The following RBMS3 variants were observed in gnomAD, a reference collection of about 807,000 sequenced individuals.
The protein encoded by RBMS3 is RNA-binding motif, single-stranded-interacting protein 3.
Under a neutral mutation model 66.8 loss-of-function variants are expected in RBMS3, and 27 were observed. That is an observed-to-expected ratio of 0.40 (90% CI 0.30 to 0.56). The LOEUF (loss-of-function observed/expected upper bound fraction) is 0.56, where lower values mean the gene tolerates loss of function less well. Among genes scored for constraint, RBMS3 ranks in the 20% least tolerant of loss-of-function variants. The pLI is 0.40. For synonymous variants in RBMS3, 188 were observed against 183.0 expected (o/e 1.03, Z -0.22); for missense variants, 513 against 549.5 (o/e 0.93, Z 0.66).
chr3:29,357,589 G>A (rs112253534), intron 1 of RBMS3, among the ~76,000 whole-genome samples: 28,237 of 151,922 alleles, frequency 0.19, 2,745 homozygotes, highest in East Asian at 0.25. Flanking sequence ...GGGTCAAATG[G>A]TATTTCTAGT....
At chr3:29,933,224 T>G (rs527526542) in intron 10 of RBMS3, among the ~76,000 whole-genome samples, 1 of 152,256 alleles carries the variant, frequency 6.6e-6, no homozygotes, top group African/African-American at 2.4e-5. Flanking sequence ...TAAGTTGGAG[T>G]GGATTTGACA....
At chr3:29,325,659 C>CAT (rs748908387) in intron 1 of RBMS3, among the ~76,000 whole-genome samples, 1 of 147,672 alleles carries the variant, frequency 6.8e-6, no homozygotes, top group Non-Finnish European at 1.5e-5. Context: ...CACACACACA[C>CAT]ACACATACAC....
chr3:29,835,044 G>T (rs765926255), intron 6 of RBMS3, among the ~76,000 whole-genome samples: 2 of 151,922 alleles, frequency 1.3e-5, no homozygotes, highest in African/African-American at 4.8e-5. Context: ...AACAATAAAG[G>T]TCACTGTATA....
intron 2 of RBMS3, among the ~76,000 whole-genome samples, chr3:29,477,246 G>GTA (rs1262823311): frequency 6.6e-6 from 1 of 152,078 alleles, no homozygotes; most frequent in African/African-American, 2.4e-5. Context: ...TCAATATAAT[G>GTA]TATAAAAAGC....
intron 6 of RBMS3, among the ~76,000 whole-genome samples, chr3:29,866,077 TAAAAAA>T (rs35591949): frequency 3.8e-5 from 4 of 105,600 alleles, no homozygotes; most frequent in African/African-American, 1.2e-4. Flanking sequence ...CACCAAATAC[TAAAAAA>T]AAAAAAAAAA....
intron 4 of RBMS3, among the ~76,000 whole-genome samples, chr3:29,591,759 A>T (rs369635868): frequency 2.6e-5 from 4 of 152,212 alleles, no homozygotes; most frequent in Middle Eastern, 3.2e-3. Context: ...CTTTCTGTCG[A>T]TTCCAAATAT....
chr3:29,284,630 A>G (rs538699518), intron 1 of RBMS3, among the ~76,000 whole-genome samples: 19 of 152,230 alleles, frequency 1.2e-4, no homozygotes, highest in African/African-American at 4.3e-4. Context: ...TTGCATTGGA[A>G]TGAATCTCTC....
At chr3:29,906,123 A>G (rs1229004207) in intron 10 of RBMS3, among the ~76,000 whole-genome samples, 1 of 152,158 alleles carries the variant, frequency 6.6e-6, no homozygotes, top group Admixed American at 6.6e-5. Context: ...ATCACTTAAT[A>G]GAGTATCAGG....
intron 1 of RBMS3, among the ~76,000 whole-genome samples, chr3:29,290,127 TC>T (rs1327395342): frequency 6.6e-6 from 1 of 151,930 alleles, no homozygotes; most frequent in Non-Finnish European, 1.5e-5. Flanking sequence ...GAGGCTATTG[TC>T]GATGTCTGTA....
intron 2 of RBMS3, among the ~76,000 whole-genome samples, chr3:29,481,780 G>C (rs945467571): frequency 6.6e-6 from 1 of 152,080 alleles, no homozygotes; most frequent in African/African-American, 2.4e-5. Flanking sequence ...GGACATACTG[G>C]CTCTATCAAA....
intron 10 of RBMS3, 114 bp from the exon 11 acceptor site, chr3:29,935,972 G>A: frequency 2.3e-6 from 2 of 864,024 alleles, no homozygotes; most frequent in South Asian, 3.9e-5. Context: ...AGCCTTTTTA[G>A]TAAAAAAGTA....
intron 6 of RBMS3, among the ~76,000 whole-genome samples, chr3:29,776,215 C>T (rs1344833901): frequency 2.0e-5 from 3 of 151,948 alleles, no homozygotes; most frequent in African/African-American, 7.2e-5. Flanking sequence ...GCCAGGATCC[C>T]CTTTGCCCTT....
At chr3:29,338,504 G>A (rs1298642944) in intron 1 of RBMS3, among the ~76,000 whole-genome samples, 1 of 152,126 alleles carries the variant, frequency 6.6e-6, no homozygotes, top group Non-Finnish European at 1.5e-5. Flanking sequence ...GAACTTGTAA[G>A]AAATGCAAAT....
intron 4 of RBMS3, among the ~76,000 whole-genome samples, chr3:29,593,633 C>T (rs1046672825): frequency 6.6e-6 from 1 of 152,166 alleles, no homozygotes; most frequent in Non-Finnish European, 1.5e-5. Context: ...ATCAAAGGAT[C>T]AGAAATCCCT....
At position 29,960,346 on chromosome 3, in the gene RBMS3, C is replaced by T. The variant is rs573780234; in HGVS notation, c.1098+16092C>T. 7.2e-5 allele frequency among the ~76,000 whole-genome samples: 11 copies of T among 152,300 alleles called. No homozygotes were observed. In the South Asian group the frequency reaches 1.7e-3, roughly 23 times the overall value. Reference sequence around the variant, plus strand: ...TGGTACAAGAGGTGGGCTCCCATGGCCTTGGGCAGCTTTGCCCCTGTGGCT... The same window carrying T: ...TGGTACAAGAGGTGGGCTCCCATGGTCTTGGGCAGCTTTGCCCCTGTGGCT... On this transcript the variant is annotated intron_variant, in intron 12 of 14. Transcript: ENST00000383767.
chr3:29,393,138 G>C (rs1430950991), intron 1 of RBMS3, among the ~76,000 whole-genome samples: 1 of 152,098 alleles, frequency 6.6e-6, no homozygotes, highest in Non-Finnish European at 1.5e-5. Context: ...CCTTTTCTAT[G>C]ACTTGTAATA....
intron 3 of RBMS3, among the ~76,000 whole-genome samples, chr3:29,500,017 G>A (rs1559414474): frequency 6.6e-6 from 1 of 151,016 alleles, no homozygotes; most frequent in Non-Finnish European, 1.5e-5. Flanking sequence ...GACACATGCT[G>A]CAATAGATAA....
At chr3:29,570,671 G>A (rs994515562) in intron 3 of RBMS3, among the ~76,000 whole-genome samples, 5 of 152,006 alleles carry the variant, frequency 3.3e-5, no homozygotes, top group Non-Finnish European at 1.5e-5. Context: ...CTCTTTTATG[G>A]CTGAATAGTA....
At chr3:29,701,356 A>G (rs1022416122) in intron 4 of RBMS3, among the ~76,000 whole-genome samples, 3 of 152,216 alleles carry the variant, frequency 2.0e-5, no homozygotes, top group African/African-American at 7.2e-5. Context: ...CCAGAATGTA[A>G]GAGCTCACTC....
Sources: gnomAD v4.1 joint callset for allele counts (sites outside exome capture counted in the v4.1 genomes callset) on GRCh38, gnomAD v4.1.1 for gene constraint, MANE v1.5 for transcripts, NCBI Gene and HGNC (gene_info 2026-07-23, HGNC 2026-07-21) for gene names.